The following ARHGEF9 variants were observed in gnomAD, a reference collection of about 807,000 sequenced individuals.
ARHGEF9 encodes the protein Cdc42 guanine nucleotide exchange factor 9, also known as rho guanine nucleotide exchange factor 9.
In ARHGEF9, 2 loss-of-function variants were observed where a neutral mutation model predicts 41.3. The ratio of observed to expected loss-of-function variants is 0.05; its 90% CI spans 0.02 to 0.15. The LOEUF is 0.15. ARHGEF9 is among the 10% of genes least tolerant of loss of function. ARHGEF9 has a pLI of 1.00. For missense variants in ARHGEF9, 225 were observed against 424.7 expected (o/e 0.53, Z 4.13); for synonymous variants, 160 against 154.4 (o/e 1.04, Z -0.27).
chrX:63,758,128 T>G (rs1286389776), intron 1 of ARHGEF9, among the ~76,000 whole-genome samples: 1 of 95,932 alleles, frequency 1.0e-5, no homozygotes, highest in Non-Finnish European at 2.2e-5. Flanking sequence ...AGAATGGGAC[T>G]TTTTTTTTTT....
chrX:63,780,615 A>AAAC (rs1182178128), intron 1 of ARHGEF9, among the ~76,000 whole-genome samples: 1 of 112,500 alleles, frequency 8.9e-6, no homozygotes, highest in East Asian at 2.8e-4. Flanking sequence ...TACAAAAAAC[A>AAAC]AACAACAACA....
chrX:63,695,470 T>C (rs1389198950), intron 4 of ARHGEF9, among the ~76,000 whole-genome samples: 3 of 111,819 alleles, frequency 2.7e-5, no homozygotes, highest in Non-Finnish European at 5.6e-5. Flanking sequence ...ATGTGCTCCC[T>C]TGTGGACTTC....
At chrX:63,687,505 C>G (rs1175388775) in intron 4 of ARHGEF9, among the ~76,000 whole-genome samples, 1 of 110,730 alleles carries the variant, frequency 9.0e-6, no homozygotes, top group East Asian at 2.8e-4. Flanking sequence ...ATGACATTCC[C>G]AAATAGACAA....
chrX:63,753,973 T>A (rs1384547287), intron 1 of ARHGEF9, among the ~76,000 whole-genome samples: 1 of 111,854 alleles, frequency 8.9e-6, no homozygotes, highest in Non-Finnish European at 1.9e-5. Context: ...ATGTCAAATA[T>A]TCATCATGCT....
At chrX:63,677,977 A>C (rs1431005662) in intron 5 of ARHGEF9, among the ~76,000 whole-genome samples, 3 of 112,050 alleles carry the variant, frequency 2.7e-5, no homozygotes, top group African/African-American at 9.7e-5. Flanking sequence ...TTTCAGACCC[A>C]GATGCATGAG....
At chrX:63,699,585 T>G (rs1312438943) in intron 3 of ARHGEF9, among the ~76,000 whole-genome samples, 7 of 112,022 alleles carry the variant, frequency 6.2e-5, no homozygotes, top group African/African-American at 2.3e-4. Context: ...ATATGTTATT[T>G]ATTGCCACTC....
intron 4 of ARHGEF9, among the ~76,000 whole-genome samples, chrX:63,693,565 T>C (rs1350414226): frequency 1.6e-4 from 15 of 92,517 alleles, no homozygotes; most frequent in African/African-American, 6.7e-4. Context: ...TGAGCTGAGA[T>C]AGCACCACTG....
intron 9 of ARHGEF9, chrX:63,640,861 T>C (rs781796329): frequency 2.7e-5 from 3 of 111,762 alleles, no homozygotes; most frequent in Admixed American, 9.5e-5. Context: ...CCAGCTTTCA[T>C]GGTTATCTTA....
At chrX:63,725,007 TC>T (rs1487935236) in intron 1 of ARHGEF9, 4 of 306,841 alleles carry the variant, frequency 1.3e-5, no homozygotes, top group African/African-American at 1.1e-4. Flanking sequence ...AAAGCTCCAG[TC>T]CATCTCTCCT....
chrX:63,688,198 G>A (rs2051107337), intron 4 of ARHGEF9, among the ~76,000 whole-genome samples: 1 of 110,668 alleles, frequency 9.0e-6, no homozygotes, highest in Admixed American at 9.6e-5. Context: ...GCAGGAGGGA[G>A]GGGGGCAACA....
intron 4 of ARHGEF9, among the ~76,000 whole-genome samples, chrX:63,684,202 G>A (rs782132541): frequency 1.7e-4 from 19 of 110,061 alleles, no homozygotes; most frequent in African/African-American, 5.9e-4. Flanking sequence ...ATTAAGAAAT[G>A]AGCAAAGAAT....
intron 4 of ARHGEF9, among the ~76,000 whole-genome samples, chrX:63,695,571 T>C (rs1271205063): frequency 8.9e-6 from 1 of 112,057 alleles, no homozygotes; most frequent in Non-Finnish European, 1.9e-5. Flanking sequence ...AGGTGCTTTC[T>C]AGAATGGTTG....
chrX:63,680,245 A>AC (rs1373299074), intron 4 of ARHGEF9, among the ~76,000 whole-genome samples: 2 of 112,491 alleles, frequency 1.8e-5, no homozygotes, highest in African/African-American at 6.5e-5. Context: ...TTAGGGGTCC[A>AC]CTTAAGAAGC....
intron 8 of ARHGEF9, among the ~76,000 whole-genome samples, chrX:63,645,370 C>T (rs1213160421): frequency 2.7e-5 from 3 of 110,622 alleles, no homozygotes; most frequent in Non-Finnish European, 5.7e-5. Context: ...TAATGCTTTC[C>T]CTCTCCATTC....
chrX:63,644,297 T>A (rs2047848122), intron 8 of ARHGEF9: 1 of 265,698 alleles, frequency 3.8e-6, no homozygotes, highest in Non-Finnish European at 6.6e-6. Context: ...AAAAAAGAAT[T>A]ATGAACATGG....
chrX:63,664,405 C>T (rs1304068108), intron 7 of ARHGEF9, among the ~76,000 whole-genome samples: 1 of 112,333 alleles, frequency 8.9e-6, no homozygotes, highest in Non-Finnish European at 1.9e-5. Context: ...ATTAACAGGG[C>T]CTAGGGGGTG....
chrX:63,751,818 CCACACTCAGGAGTGTGCTCCCCCCCACA>C (rs1238218160), intron 1 of ARHGEF9, among the ~76,000 whole-genome samples: 1 of 110,740 alleles, frequency 9.0e-6, no homozygotes, highest in Non-Finnish European at 1.9e-5. Flanking sequence ...CACCCCGCAT[CCACACTCAGGAGTGTGCTCCCCCCCACA>C]CACCCCCATG....
At chrX:63,669,804 T>C (rs2049824580) in intron 6 of ARHGEF9, among the ~76,000 whole-genome samples, 1 of 111,956 alleles carries the variant, frequency 8.9e-6, no homozygotes, top group Admixed American at 9.5e-5. Context: ...CAGAGGCCCA[T>C]CTACCTGATG....
intron 9 of ARHGEF9, among the ~76,000 whole-genome samples, chrX:63,643,346 G>A (rs1353373709): frequency 4.6e-5 from 5 of 109,317 alleles, no homozygotes; most frequent in Admixed American, 2.0e-4. Flanking sequence ...AGAAAGCTGA[G>A]CAATATCTTT....
Sources: gnomAD v4.1 joint callset for allele counts (sites outside exome capture counted in the v4.1 genomes callset) on GRCh38, gnomAD v4.1.1 for gene constraint, MANE v1.5 for transcripts, NCBI Gene and HGNC (gene_info 2026-07-23, HGNC 2026-07-21) for gene names.